The following APOD variants were observed in gnomAD, a reference collection of about 807,000 sequenced individuals.
APOD encodes the protein apo-D.
In APOD, 22 loss-of-function variants were observed where a neutral mutation model predicts 20.4. That is an observed-to-expected ratio of 1.08 (90% CI 0.77 to 1.54). The LOEUF (loss-of-function observed/expected upper bound fraction) is 1.54, where lower values mean the gene tolerates loss of function less well. Ranked by LOEUF, APOD falls within the 40% of genes most tolerant of loss-of-function variation. The probability of loss-of-function intolerance (pLI) is 0.00; values close to 1 mark genes in which losing one functional copy is unlikely to be tolerated. For synonymous variants in APOD, 97 were observed against 92.4 expected (o/e 1.05, Z -0.29); for missense variants, 223 against 229.6 (o/e 0.97, Z 0.19).
At chr3:195,574,712 G>T (rs1175514478) in intron 2 of APOD, among the ~76,000 whole-genome samples, 1 of 152,176 alleles carries the variant, frequency 6.6e-6, no homozygotes, top group Non-Finnish European at 1.5e-5. Context: ...TATGTGTAAA[G>T]TTATTCATTA....
In APOD at chr3:195,582,947, AG is replaced by A. The variant is rs1396036503; in HGVS notation, c.-35+930del. The A allele has an allele frequency of 2.7e-5, 4 of 150,478 alleles. No individual in the cohort carries two copies. The East Asian group carries it at 6.0e-4, about 22-fold the overall frequency. The allele number at this position is 150,478 out of a possible 1,614,324, so 9.3% of individuals were successfully genotyped here. ...GACTCCGTCTCAAAAAAAAAAAAAA[AG>A]AAATATGATTTTTAACAGAATATGA... On this transcript the variant is annotated intron_variant, in intron 1 of 4. Transcript: ENST00000343267.
intron 4 of APOD, among the ~76,000 whole-genome samples, chr3:195,569,349 C>G (rs1008577412): frequency 6.6e-6 from 1 of 152,100 alleles, no homozygotes; most frequent in Non-Finnish European, 1.5e-5. Context: ...TGGTGCCCTG[C>G]CTGCCTGCCT....
intron 1 of APOD, among the ~76,000 whole-genome samples, chr3:195,581,859 T>G (rs1216064326): frequency 6.6e-6 from 1 of 152,210 alleles, no homozygotes; most frequent in Non-Finnish European, 1.5e-5. Flanking sequence ...CTTGGTTACA[T>G]TAGTTTTATT....
At chr3:195,572,780 G>A (rs1038665610) in intron 3 of APOD, among the ~76,000 whole-genome samples, 2 of 135,448 alleles carry the variant, frequency 1.5e-5, no homozygotes, top group Admixed American at 7.4e-5. Context: ...GGGAGGCCAA[G>A]GGGGGGCGGA....
intron 1 of APOD, among the ~76,000 whole-genome samples, chr3:195,581,359 T>C (rs565333103): frequency 6.6e-6 from 1 of 152,306 alleles, no homozygotes; most frequent in Non-Finnish European, 1.5e-5. Context: ...GATGAATTTA[T>C]AGAAATGCAG....
chr3:195,574,242 A>G (rs544891769), intron 2 of APOD, among the ~76,000 whole-genome samples: 2 of 152,350 alleles, frequency 1.3e-5, no homozygotes, highest in South Asian at 2.1e-4. Context: ...CTGTAAAAAA[A>G]GGGGATGATG....
intron 2 of APOD, among the ~76,000 whole-genome samples, chr3:195,575,059 G>T (rs1412634906): frequency 6.6e-6 from 1 of 152,228 alleles, no homozygotes; most frequent in Non-Finnish European, 1.5e-5. Context: ...TGAACTCAAA[G>T]TGTTGGCTGT....
In APOD at chr3:195,581,695, C is replaced by T. The variant is rs143920448; in HGVS notation, c.-35+2183G>A. Among the ~76,000 whole-genome samples the T allele has an allele frequency of 3.8e-3, 585 of 152,340 alleles. 2 individuals are homozygous for T. Among genetic ancestry groups the T allele is most frequent in the Middle Eastern group, 0.024 (7 of 294 alleles). On this transcript the variant is annotated intron_variant, in intron 1 of 4. Coordinates refer to ENST00000343267, the MANE Select transcript of APOD (RefSeq NM_001647.4). The stretch of plus-strand genomic sequence containing the variant: ...TTTCAATAACCCCCCACCTCTGTGA[C>T]CTGATGAGTCTCACCACCACATGAC...
At chr3:195,576,497 G>C (rs536422483) in intron 2 of APOD, among the ~76,000 whole-genome samples, 2 of 152,154 alleles carry the variant, frequency 1.3e-5, no homozygotes, top group Non-Finnish European at 2.9e-5. Context: ...CAAGATACAA[G>C]ATTAATATTC....
At chr3:195,569,816 T>TTTTTA (rs1720128945) in intron 4 of APOD, among the ~76,000 whole-genome samples, 1 of 139,656 alleles carries the variant, frequency 7.2e-6, no homozygotes, top group East Asian at 2.0e-4. Context: ...TTTTTTTTTT[T>TTTTTA]GAGATGGAGT....
At chr3:195,577,921 TCC>T (rs1720272956) in intron 2 of APOD, among the ~76,000 whole-genome samples, 2 of 152,188 alleles carry the variant, frequency 1.3e-5, no homozygotes, top group Admixed American at 1.3e-4. Context: ...AGATGGAGAC[TCC>T]GTGAATGGGT....
At position 195,573,984 on chromosome 3, in the gene APOD, C is replaced by G. The variant is rs771254855; in HGVS notation, c.124-13G>C. 6.5e-5 allele frequency: 105 copies of G among 1,613,226 alleles called. 1 individual carries two copies. In the Admixed American group the frequency reaches 1.7e-3, roughly 26 times the overall value. Reference sequence around the variant, plus strand: ...ATCTTCCGAGATACTGCAGAGACAACAAGCAGAGCAAAACCCTGTGGTTCT... The same window carrying G: ...ATCTTCCGAGATACTGCAGAGACAAGAAGCAGAGCAAAACCCTGTGGTTCT... On this transcript the variant is annotated splice_polypyrimidine_tract_variant and intron_variant, in intron 2 of 4. Coordinates refer to ENST00000343267, the MANE Select transcript of APOD (RefSeq NM_001647.4).
At chr3:195,583,532 C>A (rs1483747551) in intron 1 of APOD, among the ~76,000 whole-genome samples, 1 of 152,212 alleles carries the variant, frequency 6.6e-6, no homozygotes, top group Non-Finnish European at 1.5e-5. Context: ...CGTTGGACAG[C>A]TTGCTGAGAA....
intron 4 of APOD, 153 bp downstream of exon 4, chr3:195,571,124 T>C (rs971395831): frequency 2.5e-5 from 18 of 720,932 alleles, no homozygotes; most frequent in Non-Finnish European, 3.7e-5. Flanking sequence ...GCAACCCTAG[T>C]GCGTGACATG....
Position 195,573,829 on chromosome 3 carries a change from CG to C in APOD, c.245+20del. On this transcript the variant is annotated intron_variant, in intron 3 of 4. Coordinates refer to ENST00000343267, the MANE Select transcript of APOD (RefSeq NM_001647.4). ...CATCAGCACTCCGCAGGCCTGGCCC[CG>C]GACGCCCACAGCCACTCACCTCAAC... 5 of 1,611,782 alleles carry C rather than the reference CG, an allele frequency of 3.1e-6. No homozygotes were observed. The highest frequency in any genetic ancestry group is 4.2e-6 in the Non-Finnish European group (5 of 1,178,764).
In APOD at chr3:195,568,987, G is replaced by A. The variant is rs1720108396; in HGVS notation, c.483C>T (p.Asp161=). 19 of 1,613,982 alleles carry A rather than the reference G, an allele frequency of 1.2e-5. No individual in the cohort carries two copies. Among genetic ancestry groups the A allele is most frequent in the Non-Finnish European group, 1.6e-5 (19 of 1,180,022 alleles). ...RNPNLPPETV[D]SLKNILTSNN... ...TAGAAGTCAGGATATTTTTTAGAGA[G>A]TCCACTGTTTCTGGAGGGAGATTAG... Residue 161 remains aspartate (D), a synonymous_variant, in exon 5 of 5, where the codon GAC becomes GAT. Transcript: ENST00000343267.
At chr3:195,576,198 T>G (rs1720245295) in intron 2 of APOD, among the ~76,000 whole-genome samples, 1 of 152,238 alleles carries the variant, frequency 6.6e-6, no homozygotes, top group Admixed American at 6.5e-5. Flanking sequence ...TTTTCTATGG[T>G]GCATTCAAAT....
At chr3:195,572,130 G>A (rs1384206657) in intron 3 of APOD, among the ~76,000 whole-genome samples, 7 of 152,194 alleles carry the variant, frequency 4.6e-5, no homozygotes, top group African/African-American at 1.4e-4. Context: ...GATGAGGATG[G>A]ACTTGATCAC....
At chr3:195,569,965 A>G (rs1294171105) in intron 4 of APOD, among the ~76,000 whole-genome samples, 2 of 151,698 alleles carry the variant, frequency 1.3e-5, no homozygotes, top group African/African-American at 4.8e-5. Flanking sequence ...ATGCCCAGCT[A>G]ATTTTTTGTA....
Sources: gnomAD v4.1 joint callset for allele counts (sites outside exome capture counted in the v4.1 genomes callset) on GRCh38, gnomAD v4.1.1 for gene constraint, MANE v1.5 for transcripts, NCBI Gene and HGNC (gene_info 2026-07-23, HGNC 2026-07-21) for gene names.